Variants in RBFOX1 observed in about 807,000 individuals in gnomAD.
RBFOX1 encodes RNA binding fox-1 homolog 1.
Under a neutral mutation model 57.7 loss-of-function variants are expected in RBFOX1, and 8 were observed. That is an observed-to-expected ratio of 0.14 (90% CI 0.08 to 0.25). The LOEUF is 0.25. Ranked by LOEUF, RBFOX1 falls within the 10% of genes least tolerant of loss-of-function variation. RBFOX1 has a pLI of 1.00. For missense variants in RBFOX1, 611 were observed against 548.5 expected, an observed-to-expected ratio of 1.11 and a Z score of -1.14; for synonymous variants, 326 against 222.4, an observed-to-expected ratio of 1.47 and a Z score of -4.15.
chr16:7,013,401 A>T (rs1002286883), intron 3 of RBFOX1, among the ~76,000 whole-genome samples: 1 of 152,202 alleles, frequency 6.6e-6, no homozygotes, highest in African/African-American at 2.4e-5. Context: ...CCCAGAGAAC[A>T]TGTGACAATG....
rs567174610 is a variant in RBFOX1, at chr16:7,312,467, C to T, written c.28-205680C>T. 2.6e-5 allele frequency among the ~76,000 whole-genome samples: 4 copies of T among 152,300 alleles called. No homozygotes were observed. The South Asian group carries it at 8.3e-4, about 32-fold the overall frequency. On this transcript the variant is annotated intron_variant, in intron 4 of 15. Coordinates refer to ENST00000550418, the MANE Select transcript of RBFOX1 (RefSeq NM_018723.4). ...GTTTATTGAAGCTGGACATAAACTT[C>T]TCGTTTCCATTTCTCTCAAATTAAC...
chr16:5,597,805 T>G (rs1022712396), intron 2 of RBFOX1, among the ~76,000 whole-genome samples: 6 of 152,174 alleles, frequency 3.9e-5, no homozygotes, highest in African/African-American at 1.2e-4. Context: ...TTGGGAATAC[T>G]ACGACGGTGA....
intron 1 of RBFOX1, among the ~76,000 whole-genome samples, chr16:5,242,030 G>A (rs1596283383): frequency 2.0e-5 from 3 of 152,058 alleles, no homozygotes; most frequent in Admixed American, 1.3e-4. Flanking sequence ...TGGGAGGATT[G>A]CTAGAGCCTG....
At chr16:5,959,993 G>C (rs2059717307) in intron 4 of RBFOX1, among the ~76,000 whole-genome samples, 1 of 152,152 alleles carries the variant, frequency 6.6e-6, no homozygotes, top group African/African-American at 2.4e-5. Context: ...CTGAGGTCCG[G>C]AGTTCAAGAC....
chr16:6,205,019 C>T (rs1268293545), intron 1 of RBFOX1, among the ~76,000 whole-genome samples: 4 of 152,006 alleles, frequency 2.6e-5, no homozygotes, highest in Admixed American at 6.6e-5. Context: ...TACCATAAAC[C>T]GATTGACTGA....
At chr16:6,958,390 A>T (rs1240430573) in intron 3 of RBFOX1, among the ~76,000 whole-genome samples, 1 of 152,186 alleles carries the variant, frequency 6.6e-6, no homozygotes, top group Non-Finnish European at 1.5e-5. Flanking sequence ...TGGAGTCAGC[A>T]TATTTCCCCC....
At chr16:6,303,263 C>G (rs969881097) in intron 1 of RBFOX1, among the ~76,000 whole-genome samples, 2 of 152,078 alleles carry the variant, frequency 1.3e-5, no homozygotes, top group African/African-American at 4.8e-5. Context: ...CATTTTCGTT[C>G]TGAGACATCT....
At chr16:6,356,685 G>A (rs1388897816) in intron 2 of RBFOX1, among the ~76,000 whole-genome samples, 1 of 152,146 alleles carries the variant, frequency 6.6e-6, no homozygotes, top group Non-Finnish European at 1.5e-5. Context: ...TACCATTACC[G>A]TGGTATCCTG....
chr16:6,350,395 C>A (rs547727217), intron 2 of RBFOX1, among the ~76,000 whole-genome samples: 1 of 130,884 alleles, frequency 7.6e-6, no homozygotes, highest in East Asian at 2.5e-4. Context: ...GAGCCGAGAT[C>A]GCACCATTGC....
intron 4 of RBFOX1, among the ~76,000 whole-genome samples, chr16:7,200,151 A>G (rs1422513778): frequency 2.0e-5 from 3 of 152,224 alleles, no homozygotes; most frequent in African/African-American, 4.8e-5. Flanking sequence ...TGGGCTACAA[A>G]TTGGGCCTCC....
intron 3 of RBFOX1, among the ~76,000 whole-genome samples, chr16:5,726,004 C>T: frequency 6.6e-6 from 1 of 152,062 alleles, no homozygotes; most frequent in East Asian, 1.9e-4. Flanking sequence ...TAAAAGTGGG[C>T]CTTTCCATTC....
intron 4 of RBFOX1, among the ~76,000 whole-genome samples, chr16:7,171,467 A>G (rs1033420566): frequency 6.6e-6 from 1 of 152,194 alleles, no homozygotes; most frequent in African/African-American, 2.4e-5. Flanking sequence ...TTTGAACTAG[A>G]TTGCAGGATT....
At chr16:5,580,577 C>T (rs900331089) in intron 2 of RBFOX1, among the ~76,000 whole-genome samples, 10 of 152,294 alleles carry the variant, frequency 6.6e-5, no homozygotes, top group Admixed American at 3.9e-4. Flanking sequence ...CCTGCTTCAA[C>T]GCTGGTTGTT....
At chr16:6,034,125 G>A (rs2217897) in intron 1 of RBFOX1, among the ~76,000 whole-genome samples, 122,423 of 151,622 alleles carry the variant, frequency 0.81, 49,479 homozygotes, top group East Asian at 0.89. Flanking sequence ...ACCTGAGGTC[G>A]GGAGTTCAAG....
At chr16:5,772,190 G>A (rs74795246) in intron 3 of RBFOX1, among the ~76,000 whole-genome samples, 2,501 of 152,190 alleles carry the variant, frequency 0.016, 84 homozygotes, top group African/African-American at 0.057. Context: ...AAAAACAGAG[G>A]CTAGTTTATA....
At chr16:6,937,091 A>C (rs774152406) in intron 3 of RBFOX1, among the ~76,000 whole-genome samples, 18 of 152,146 alleles carry the variant, frequency 1.2e-4, no homozygotes, top group Non-Finnish European at 2.1e-4. Flanking sequence ...TTAAAGTATG[A>C]TAATAAAAAA....
At chr16:6,267,314 C>T (rs988932881) in intron 1 of RBFOX1, among the ~76,000 whole-genome samples, 2 of 152,190 alleles carry the variant, frequency 1.3e-5, no homozygotes, top group African/African-American at 2.4e-5. Context: ...TTTCTTAGGT[C>T]AATGAACTCT....
chr16:7,194,788 C>T (rs12324945), intron 4 of RBFOX1, among the ~76,000 whole-genome samples: 2,587 of 151,814 alleles, frequency 0.017, 68 homozygotes, highest in African/African-American at 0.057. Context: ...ATTAGCTGGA[C>T]GTGGTGGTGC....
chr16:5,761,578 AACTCCCCTTT>A (rs2053591230), intron 3 of RBFOX1, among the ~76,000 whole-genome samples: 1 of 152,036 alleles, frequency 6.6e-6, no homozygotes, highest in Non-Finnish European at 1.5e-5. Context: ...TGTGTAGGGG[AACTCCCCTTT>A]ATAAAACCAT....
Sources: gnomAD v4.1 joint callset for allele counts (sites outside exome capture counted in the v4.1 genomes callset) on GRCh38, gnomAD v4.1.1 for gene constraint, MANE v1.5 for transcripts, NCBI Gene and HGNC (gene_info 2026-07-23, HGNC 2026-07-21) for gene names.